The following IARS1 variants were observed in gnomAD, a reference collection of about 807,000 sequenced individuals.
IARS1 encodes isoleucyl-tRNA synthetase 1, also known as isoleucine--tRNA ligase, cytoplasmic.
IARS1 carries 124 observed loss-of-function variants against 168.2 expected under a neutral mutation model. The observed-to-expected ratio is 0.74, with a 90% CI of 0.64 to 0.86. IARS1 has a LOEUF of 0.86. Among genes scored for constraint, IARS1 ranks in the 40% least tolerant of loss-of-function variants. The pLI is 0.00. For synonymous variants in IARS1, 532 were observed against 529.4 expected (o/e 1.00, Z -0.07); for missense variants, 1,452 against 1,515.8 (o/e 0.96, Z 0.70).
intron 18 of IARS1, 97 bp downstream of exon 18, chr9:92,260,054 T>G: frequency 1.2e-6 from 1 of 838,858 alleles, no homozygotes; most frequent in Non-Finnish European, 2.0e-6. Flanking sequence ...GCTAAAAACC[T>G]AACTATAAAC....
At position 92,278,284 on chromosome 9, in the gene IARS1, C is replaced by G; in HGVS notation, c.748G>C (p.Val250Leu). 6.2e-7 allele frequency: 1 copy of G among 1,607,712 alleles called. No homozygotes were observed. Among genetic ancestry groups the G allele is most frequent in the Non-Finnish European group, 8.5e-7 (1 of 1,174,250 alleles). ...PEMQYVKIKD[V>L]ARGRLLILME... ...AAAATGAGTAATCGTCCTCTGGCAA[C>G]ATCTACGAGAAAAAGGAAAAACATG... Residue 250 changes from valine to leucine, a missense_variant and splice_region_variant, in exon 8 of 34, where the codon GTT becomes CTT. Transcript: ENST00000443024.
intron 30 of IARS1, among the ~76,000 whole-genome samples, chr9:92,235,758 C>G (rs936225164): frequency 1.3e-5 from 2 of 151,870 alleles, no homozygotes; most frequent in African/African-American, 2.4e-5. Flanking sequence ...AACTCCTGAC[C>G]TTGTGATCCA....
chr9:92,233,113 G>A (rs1160761566), intron 30 of IARS1, among the ~76,000 whole-genome samples: 1 of 152,134 alleles, frequency 6.6e-6, no homozygotes, highest in African/African-American at 2.4e-5. Flanking sequence ...ATTTGACTAC[G>A]TTAGATCTGC....
intron 28 of IARS1, 119 bp from the exon 29 acceptor site, chr9:92,242,449 A>AC: frequency 2.8e-6 from 2 of 716,002 alleles, no homozygotes; most frequent in South Asian, 3.9e-5. Flanking sequence ...AAGGGCAGTC[A>AC]CCCTTCCCTC....
At chr9:92,277,469 G>A (rs539871737) in intron 9 of IARS1, among the ~76,000 whole-genome samples, 1 of 152,124 alleles carries the variant, frequency 6.6e-6, no homozygotes, top group East Asian at 1.9e-4. Flanking sequence ...TGCAATTCCA[G>A]GAGTTCAAGA....
chr9:92,244,857 G>C, intron 27 of IARS1, 102 bp downstream of exon 27: 1 of 861,212 alleles, frequency 1.2e-6, no homozygotes, highest in Non-Finnish European at 1.9e-6. Flanking sequence ...ATTTTACCCT[G>C]AGACAAGCTG....
intron 30 of IARS1, among the ~76,000 whole-genome samples, chr9:92,235,265 C>T (rs1018514409): frequency 6.6e-6 from 1 of 152,136 alleles, no homozygotes; most frequent in African/African-American, 2.4e-5. Flanking sequence ...AGTACAATGT[C>T]GAATATGAGT....
At chr9:92,265,335 C>T in intron 15 of IARS1, 145 bp downstream of exon 15, 3 of 832,240 alleles carry the variant, frequency 3.6e-6, no homozygotes, top group South Asian at 3.2e-5. Flanking sequence ...AGGACAGAGG[C>T]CACAATACTG....
chr9:92,278,155 C>T (rs1184849229), intron 8 of IARS1, 44 bp downstream of exon 8: 2 of 1,237,570 alleles, frequency 1.6e-6, no homozygotes, highest in South Asian at 1.2e-5. Context: ...GACACACATA[C>T]AGACACATGC....
chr9:92,257,823 G>A (rs1830937779), intron 19 of IARS1, among the ~76,000 whole-genome samples: 1 of 152,128 alleles, frequency 6.6e-6, no homozygotes, highest in African/African-American at 2.4e-5. Flanking sequence ...TACTTGTAAG[G>A]TGCTGGAGAT....
chr9:92,238,629 A>G (rs1827916009), intron 30 of IARS1, among the ~76,000 whole-genome samples: 1 of 152,164 alleles, frequency 6.6e-6, no homozygotes, highest in Admixed American at 6.5e-5. Flanking sequence ...GTATTCCTTT[A>G]TAGCAATGAA....
Position 92,285,779 on chromosome 9 carries a change from G to C in IARS1, c.540C>G (p.Pro180=). The C allele has an allele frequency of 6.2e-7, 1 of 1,613,588 alleles. No homozygotes were observed. The highest frequency in any genetic ancestry group is 1.1e-5 in the South Asian group (1 of 91,066). The part of the protein sequence containing the change: ...GLVYRGVKVM[P]FSTACNTPLS... ...GTGGAGTGTTACATGCCGTAGAGAA[G>C]GGCATGACTTTCACACCTCTATAAA... Residue 180 remains proline (P), a synonymous_variant, in exon 6 of 34, where the codon CCC becomes CCG. Transcript: ENST00000443024.
At chr9:92,227,428 C>CG (rs1165051572) in intron 31 of IARS1, among the ~76,000 whole-genome samples, 1 of 142,530 alleles carries the variant, frequency 7.0e-6, no homozygotes, top group Non-Finnish European at 1.5e-5. Flanking sequence ...GCTGGCCGGG[C>CG]GGGGGGCTGA....
Position 92,253,361 on chromosome 9 carries a change from C to CGTAA in IARS1, c.2229_2229+1insTTAC (p.Gly744LeufsTer3). 1 of 1,605,832 alleles carries CGTAA rather than the reference C, an allele frequency of 6.2e-7. No individual in the cohort carries two copies. Among genetic ancestry groups the CGTAA allele is most frequent in the Admixed American group, 1.7e-5 (1 of 60,004 alleles). On this transcript the variant is annotated frameshift_variant and splice_region_variant. Transcript: ENST00000443024. LOFTEE classifies it high-confidence loss of function. ...TTTTCCCAACAGCAGTCTGCACTTACCTTTAATCTTCTGCGGTTCATTCTA... is the reference window on the plus strand; with the variant it reads ...TTTTCCCAACAGCAGTCTGCACTTACGTAACTTTAATCTTCTGCGGTTCATTCTA...
At chr9:92,235,688 G>A (rs185774708) in intron 30 of IARS1, among the ~76,000 whole-genome samples, 211 of 151,622 alleles carry the variant, frequency 1.4e-3, no homozygotes, top group African/African-American at 4.7e-3. Flanking sequence ...CACCATGCCC[G>A]GCTAATTTTT....
chr9:92,240,837 T>C lies in IARS1; in HGVS notation c.3283+19A>G. ...TATAACTAAAAAAAAGTCACACAAATCATGGAATTTACTCTTACCTTGTTC... is the reference window on the plus strand; with the variant it reads ...TATAACTAAAAAAAAGTCACACAAACCATGGAATTTACTCTTACCTTGTTC... On this transcript the variant is annotated intron_variant, in intron 30 of 33. Transcript: ENST00000443024. 2 of 1,497,560 alleles carry C rather than the reference T, an allele frequency of 1.3e-6. No individual in the cohort carries two copies. The highest frequency in any genetic ancestry group is 1.9e-6 in the Non-Finnish European group (2 of 1,074,330). The allele number at this position is 1,497,560 out of a possible 1,614,324, so 92.8% of individuals were successfully genotyped here. A position where few individuals can be genotyped will look rare whatever the true frequency, so the allele number is the denominator to read the frequency against.
chr9:92,290,151 T>G (rs1404664073), intron 1 of IARS1, among the ~76,000 whole-genome samples: 1 of 152,216 alleles, frequency 6.6e-6, no homozygotes, highest in Non-Finnish European at 1.5e-5. Flanking sequence ...CCAAAGTGAC[T>G]GTACTATTTT....
chr9:92,241,385 G>A lies in IARS1; in HGVS notation c.3178-424C>T, dbSNP rs369168921. Among the ~76,000 whole-genome samples, 510 of 151,878 alleles carry A rather than the reference G, an allele frequency of 3.4e-3. 4 individuals carry two copies. The highest frequency in any genetic ancestry group is 0.017 in the Middle Eastern group (5 of 292). ...TTTTGAGACAGGGTCTTGCTCTGTC[G>A]CCCAGGATCGAGTGCAGTGATGCAA... On this transcript the variant is annotated intron_variant, in intron 29 of 33. Coordinates refer to ENST00000443024, the MANE Select transcript of IARS1 (RefSeq NM_002161.6).
intron 33 of IARS1, among the ~76,000 whole-genome samples, chr9:92,215,177 G>A (rs947239247): frequency 3.9e-5 from 6 of 152,160 alleles, no homozygotes; most frequent in South Asian, 2.1e-4. Context: ...TACCTCACAC[G>A]GCAGGGTATT....
Sources: gnomAD v4.1 joint callset for allele counts (sites outside exome capture counted in the v4.1 genomes callset) on GRCh38, gnomAD v4.1.1 for gene constraint, MANE v1.5 for transcripts, NCBI Gene and HGNC (gene_info 2026-07-23, HGNC 2026-07-21) for gene names.